Variants in TNFAIP8 observed in about 807,000 individuals in gnomAD.
TNFAIP8 encodes TNF alpha induced protein 8, also known as tumor necrosis factor alpha-induced protein 8.
In TNFAIP8, 7 loss-of-function variants were observed where a neutral mutation model predicts 13.3. That is an observed-to-expected ratio of 0.52 (90% CI 0.30 to 0.99). The LOEUF (loss-of-function observed/expected upper bound fraction) is 0.99. Among genes scored for constraint, TNFAIP8 ranks in the 50% least tolerant of loss-of-function variants. The pLI is 0.07. For missense variants in TNFAIP8, 258 were observed against 236.9 expected (o/e 1.09, Z -0.58); for synonymous variants, 94 against 87.6 (o/e 1.07, Z -0.41).
intron 1 of TNFAIP8, among the ~76,000 whole-genome samples, chr5:119,284,525 A>G (rs1007297156): frequency 4.6e-5 from 7 of 152,056 alleles, no homozygotes; most frequent in African/African-American, 1.7e-4. Context: ...TAATAAAAAT[A>G]CAAAAATTAG....
chr5:119,363,939 A>G (rs1012417503), intron 1 of TNFAIP8, among the ~76,000 whole-genome samples: 41 of 152,234 alleles, frequency 2.7e-4, no homozygotes, highest in African/African-American at 8.9e-4. Flanking sequence ...ACTCAGGGAA[A>G]CATTTACTGA....
intron 1 of TNFAIP8, among the ~76,000 whole-genome samples, chr5:119,348,027 A>G (rs1393968442): frequency 6.6e-6 from 1 of 152,166 alleles, no homozygotes; most frequent in Non-Finnish European, 1.5e-5. Flanking sequence ...CACATTTCAA[A>G]TTTTGTTCAG....
intron 1 of TNFAIP8, among the ~76,000 whole-genome samples, chr5:119,301,813 A>G (rs1749403557): frequency 6.6e-6 from 1 of 152,244 alleles, no homozygotes. Context: ...ATTTCTTAGG[A>G]TAAAATATAT....
chr5:119,331,854 T>G (rs543447065), intron 1 of TNFAIP8, among the ~76,000 whole-genome samples: 2 of 152,320 alleles, frequency 1.3e-5, no homozygotes, highest in East Asian at 3.9e-4. Context: ...TTCCACTGTT[T>G]AGATGCAGTA....
At chr5:119,332,214 T>G (rs72786149) in intron 1 of TNFAIP8, among the ~76,000 whole-genome samples, 13,525 of 152,218 alleles carry the variant, frequency 0.089, 646 homozygotes, top group African/African-American at 0.14. Flanking sequence ...TGATTTTAAT[T>G]TAGGTCAATA....
intron 1 of TNFAIP8, among the ~76,000 whole-genome samples, chr5:119,376,726 G>A (rs958590699): frequency 5.3e-5 from 8 of 152,110 alleles, no homozygotes; most frequent in Non-Finnish European, 8.8e-5. Flanking sequence ...AGTATGATAA[G>A]CAGTTTCCAA....
intron 1 of TNFAIP8, among the ~76,000 whole-genome samples, chr5:119,364,963 T>C (rs1299804694): frequency 1.4e-5 from 2 of 147,182 alleles, no homozygotes; most frequent in Non-Finnish European, 3.0e-5. Context: ...CTGATTCCCC[T>C]GCCTCAGCCT....
chr5:119,396,277 C>T lies in TNFAIP8; in HGVS notation c.*2896C>T, dbSNP rs1290467130. ...ATTTTAGGCAGTACCTAAGTCAGCA[C>T]AGGTCTGGCCTGTTCTCTAAAGATC... On this transcript the variant is annotated 3_prime_UTR_variant, in exon 2 of 2. Coordinates refer to ENST00000504771, the MANE Select transcript of TNFAIP8 (RefSeq NM_014350.4). 1 of 152,240 alleles carries T rather than the reference C, an allele frequency of 6.6e-6. No individual in the cohort carries two copies. Among genetic ancestry groups the T allele is most frequent in the African/African-American group, 2.4e-5 (1 of 41,464 alleles). The allele number at this position is 152,240 out of a possible 1,614,324, so 9.4% of individuals were successfully genotyped here. A position where few individuals can be genotyped will look rare whatever the true frequency, so the allele number is the denominator to read the frequency against.
At chr5:119,294,171 T>G (rs1437187000) in intron 1 of TNFAIP8, among the ~76,000 whole-genome samples, 3 of 151,916 alleles carry the variant, frequency 2.0e-5, no homozygotes, top group Admixed American at 1.3e-4. Context: ...GCATTAGGTA[T>G]ATCTCCTAAT....
At chr5:119,381,567 C>T (rs1006603824) in intron 1 of TNFAIP8, among the ~76,000 whole-genome samples, 4 of 151,924 alleles carry the variant, frequency 2.6e-5, no homozygotes, top group East Asian at 3.9e-4. Flanking sequence ...ATTAAAAAAA[C>T]GGAGTACAGA....
At chr5:119,291,886 A>G (rs1305197832) in intron 1 of TNFAIP8, among the ~76,000 whole-genome samples, 2 of 152,238 alleles carry the variant, frequency 1.3e-5, no homozygotes, top group Admixed American at 6.5e-5. Context: ...AAAATCAGGA[A>G]TGCAGACTGT....
chr5:119,268,826 A>G, exon 1 of TNFAIP8: 3 of 701,232 alleles, frequency 4.3e-6, no homozygotes, highest in Non-Finnish European at 7.8e-6. Flanking sequence ...CCCGTGAGCC[A>G]CCGAGAGAGC....
chr5:119,393,290 C>T lies in TNFAIP8; in HGVS notation c.506C>T (p.Ala169Val). ...FDHFSDCEFL[A>V]ALYNPFGNFK... Reference sequence around the variant, plus strand: ...CATTTTTCAGATTGTGAATTTTTGGCTGCCTTGTATAATCCTTTTGGGAAT... The same window carrying T: ...CATTTTTCAGATTGTGAATTTTTGGTTGCCTTGTATAATCCTTTTGGGAAT... The change falls in exon 2 of 2, where the codon GCT (alanine) becomes GTT (valine). Residue 169 changes from alanine to valine, a missense_variant. Physicochemically the swap from Ala to Val is moderately conservative, Grantham distance 64. Coordinates refer to ENST00000504771, the MANE Select transcript of TNFAIP8 (RefSeq NM_014350.4). 1 of 1,613,960 alleles carries T rather than the reference C, an allele frequency of 6.2e-7. No homozygotes were observed. Among genetic ancestry groups the T allele is most frequent in the Non-Finnish European group, 8.5e-7 (1 of 1,179,872 alleles).
chr5:119,291,581 G>T (rs1181307980), intron 1 of TNFAIP8, among the ~76,000 whole-genome samples: 1 of 152,232 alleles, frequency 6.6e-6, no homozygotes, highest in Admixed American at 6.5e-5. Flanking sequence ...TAATGAGGCA[G>T]TACCAGCCAC....
At chr5:119,269,587 G>A (rs1748210366) in intron 1 of TNFAIP8, among the ~76,000 whole-genome samples, 1 of 152,182 alleles carries the variant, frequency 6.6e-6, no homozygotes, top group Non-Finnish European at 1.5e-5. Context: ...TGACCCAACA[G>A]GCTTAGGCAC....
upstream of TNFAIP8, chr5:119,355,501 CT>C: frequency 1.7e-6 from 1 of 592,312 alleles, no homozygotes. Flanking sequence ...ATCCATGCGA[CT>C]TTCCTACAAA....
chr5:119,301,013 A>G (rs1426700575), intron 1 of TNFAIP8, among the ~76,000 whole-genome samples: 2 of 152,186 alleles, frequency 1.3e-5, no homozygotes, highest in African/African-American at 4.8e-5. Context: ...ATTTGAAGGT[A>G]GTGGAAACAG....
intron 1 of TNFAIP8, among the ~76,000 whole-genome samples, chr5:119,364,263 A>G (rs1243222883): frequency 6.6e-6 from 1 of 152,228 alleles, no homozygotes; most frequent in Admixed American, 6.5e-5. Context: ...ATTATGAGTA[A>G]CAAAAGGCAC....
Position 119,362,324 on chromosome 5 carries a change from T to A in TNFAIP8, c.31+6203T>A, listed in dbSNP as rs1013030062. Among the ~76,000 whole-genome samples the A allele has an allele frequency of 3.9e-5, 6 of 152,048 alleles. 1 individual carries two copies. Among genetic ancestry groups the A allele is most frequent in the Non-Finnish European group, 8.8e-5 (6 of 67,986 alleles). On this transcript the variant is annotated intron_variant, in intron 1 of 1. Transcript: ENST00000504771. ...TGATCATGGTGGGCATTCGTGGTGA[T>A]GTTGTAGTGGTACATGGGGCCAGTC...
Sources: gnomAD v4.1 joint callset for allele counts (sites outside exome capture counted in the v4.1 genomes callset) on GRCh38, gnomAD v4.1.1 for gene constraint, MANE v1.5 for transcripts, NCBI Gene and HGNC (gene_info 2026-07-23, HGNC 2026-07-21) for gene names.